THSD4: variants seen among roughly 807,000 people sequenced by gnomAD.
THSD4 encodes the protein thrombospondin type-1 domain-containing protein 4.
Under a neutral mutation model 119.0 loss-of-function variants are expected in THSD4, and 69 were observed. That is an observed-to-expected ratio of 0.58 (90% CI 0.48 to 0.71). The LOEUF is 0.71. THSD4 is among the 30% of genes least tolerant of loss of function. THSD4 has a pLI of 0.00. For synonymous variants in THSD4, 524 were observed against 540.4 expected (o/e 0.97, Z 0.42); for missense variants, 1,393 against 1,391.1 (o/e 1.00, Z -0.02).
chr15:71,678,454 C>G (rs150876256), intron 8 of THSD4, among the ~76,000 whole-genome samples: 1 of 152,186 alleles, frequency 6.6e-6, no homozygotes, highest in African/African-American at 2.4e-5. Flanking sequence ...AAATGTGAAA[C>G]CTGCCTTCTA....
chr15:71,118,643 CCTCTT>C (rs1304918560), intron 1 of THSD4, among the ~76,000 whole-genome samples: 2 of 152,170 alleles, frequency 1.3e-5, no homozygotes, highest in Non-Finnish European at 2.9e-5. Context: ...TCTTCTCTCT[CCTCTT>C]CTTTCTGGTT....
intron 16 of THSD4, among the ~76,000 whole-genome samples, chr15:71,765,543 G>A (rs2053701079): frequency 6.6e-6 from 1 of 152,194 alleles, no homozygotes; most frequent in African/African-American, 2.4e-5. Context: ...GGATGGAGTT[G>A]TCTTTGTACT....
chr15:71,561,915 CACACAA>C (rs1246436574), intron 7 of THSD4, among the ~76,000 whole-genome samples: 1,441 of 38,176 alleles, frequency 0.038, 16 homozygotes, highest in African/African-American at 0.17. Flanking sequence ...CACACACACA[CACACAA>C]ACACTCACTC....
At chr15:71,442,660 G>GTGTATGTATGTATA in intron 7 of THSD4, among the ~76,000 whole-genome samples, 2 of 25,828 alleles carry the variant, frequency 7.7e-5, no homozygotes, top group Non-Finnish European at 1.8e-4. Context: ...GTGTGTGTGT[G>GTGTATGTATGTATA]TATATATATA....
rs745727635 is a variant in THSD4, at chr15:71,341,109, T to C, written c.1016-70578T>C. ...TCTATTGTCTCTTCTGTCTTCCCTC[T>C]CTCTCCCTTTTTTTTTTCCTTTTAA... On this transcript the variant is annotated intron_variant, in intron 6 of 17. Coordinates refer to ENST00000261862, the MANE Select transcript of THSD4 (RefSeq NM_024817.3). 17 of 1,273,870 alleles carry C rather than the reference T, an allele frequency of 1.3e-5. No homozygotes were observed. In the South Asian group the frequency reaches 1.9e-4, roughly 14 times the overall value. The allele number at this position is 1,273,870 out of a possible 1,614,324, so 78.9% of individuals were successfully genotyped here.
chr15:71,234,517 G>A (rs950344036), intron 4 of THSD4, among the ~76,000 whole-genome samples: 2 of 152,116 alleles, frequency 1.3e-5, no homozygotes, highest in Non-Finnish European at 2.9e-5. Flanking sequence ...TGTTGGCCAG[G>A]CTGGTCTTGA....
chr15:71,199,387 C>G (rs930546498), intron 3 of THSD4, among the ~76,000 whole-genome samples: 1 of 150,668 alleles, frequency 6.6e-6, no homozygotes, highest in Non-Finnish European at 1.5e-5. Context: ...CCTGGCTTAT[C>G]GTAGAGTAGG....
At chr15:71,226,051 C>G (rs1596278804) in intron 4 of THSD4, among the ~76,000 whole-genome samples, 1 of 152,086 alleles carries the variant, frequency 6.6e-6, no homozygotes, top group East Asian at 1.9e-4. Flanking sequence ...TTGTAGAAAC[C>G]CCTGGGCTGG....
chr15:71,439,313 T>C (rs1219102034), intron 7 of THSD4, among the ~76,000 whole-genome samples: 1 of 152,232 alleles, frequency 6.6e-6, no homozygotes, highest in Non-Finnish European at 1.5e-5. Context: ...CTTACTCTTC[T>C]TGTGTTCTAT....
intron 4 of THSD4, among the ~76,000 whole-genome samples, chr15:71,221,121 C>T (rs1227097654): frequency 6.6e-6 from 1 of 152,128 alleles, no homozygotes; most frequent in Non-Finnish European, 1.5e-5. Flanking sequence ...TAGCAACTCA[C>T]ACTTGTGAAA....
chr15:71,702,495 C>G (rs1304945455), intron 8 of THSD4, among the ~76,000 whole-genome samples: 1 of 152,132 alleles, frequency 6.6e-6, no homozygotes, highest in Non-Finnish European at 1.5e-5. Flanking sequence ...TTTGGGGGCT[C>G]AAGCCTCATT....
At chr15:71,740,924 C>G (rs7169780) in intron 11 of THSD4, among the ~76,000 whole-genome samples, 93,020 of 151,952 alleles carry the variant, frequency 0.61, 29,788 homozygotes, top group East Asian at 0.8. Flanking sequence ...GGACACATTT[C>G]TGTCCCAGCC....
chr15:71,568,762 C>T (rs971095703), intron 7 of THSD4, among the ~76,000 whole-genome samples: 5 of 152,074 alleles, frequency 3.3e-5, no homozygotes, highest in Non-Finnish European at 7.4e-5. Flanking sequence ...CACAACAGGT[C>T]CCGGTGTGTG....
rs144720671 is a variant in THSD4 at position 71,401,694 on chromosome 15, C to T, written c.1016-9993C>T. Among the ~76,000 whole-genome samples, 373 of 152,190 alleles carry T rather than the reference C, an allele frequency of 2.5e-3. 2 individuals are homozygous for T. The highest frequency in any genetic ancestry group is 8.2e-3 in the African/African-American group (341 of 41,528). ...TCAATCATTGTGGAAAACAGTGTGG[C>T]GATTCCTCAAGGATCTAGAACTAGA... On this transcript the variant is annotated intron_variant, in intron 6 of 17. Transcript: ENST00000261862.
chr15:71,719,638 A>G (rs2052675325), intron 8 of THSD4, among the ~76,000 whole-genome samples: 1 of 152,234 alleles, frequency 6.6e-6, no homozygotes, highest in South Asian at 2.1e-4. Context: ...AAAATACAGA[A>G]GAGTACAAAG....
chr15:71,412,541 G>A (rs1007647928), intron 7 of THSD4, among the ~76,000 whole-genome samples: 38 of 152,176 alleles, frequency 2.5e-4, no homozygotes, highest in East Asian at 3.9e-4. Context: ...CTAAGATTTA[G>A]CAGGTAAATG....
intron 6 of THSD4, among the ~76,000 whole-genome samples, chr15:71,320,586 T>C (rs1361080132): frequency 6.6e-6 from 1 of 152,070 alleles, no homozygotes; most frequent in Non-Finnish European, 1.5e-5. Flanking sequence ...AGATAACACA[T>C]AGAAAAAAAG....
chr15:71,731,208 A>G lies in THSD4; in HGVS notation c.1621A>G (p.Arg541Gly), dbSNP rs759867627. 3.7e-6 allele frequency: 6 copies of G among 1,614,180 alleles called. No individual in the cohort carries two copies. The Admixed American group carries it at 1.0e-4, about 27-fold the overall frequency. ...NAISPQVPPH[R>G]RPGEPFNGQM... ...CATCAGCCCCCAGGTGCCACCCCAC[A>G]GGAGACCAGGTAGAATCCCTTGTCT... Residue 541 changes from arginine to glycine, a missense_variant, in exon 10 of 18, where the codon AGG (arginine) becomes GGG (glycine). Transcript: ENST00000261862.
At chr15:71,754,527 T>C (rs578030102) in intron 14 of THSD4, among the ~76,000 whole-genome samples, 1 of 152,254 alleles carries the variant, frequency 6.6e-6, no homozygotes, top group East Asian at 1.9e-4. Context: ...CCAATTATTG[T>C]AACAAATTTT....
Sources: allele counts gnomAD v4.1 joint callset (sites outside exome capture counted in the v4.1 genomes callset), GRCh38; gene constraint gnomAD v4.1.1; transcripts MANE v1.5; gene names NCBI Gene and HGNC (gene_info 2026-07-23, HGNC 2026-07-21).